Variants in CREBBP observed in about 807,000 individuals in gnomAD.
CREBBP encodes the protein CREB-binding protein.
A neutral mutation model predicts 265.0 loss-of-function variants in CREBBP; 19 were observed. That is an observed-to-expected ratio of 0.07 (90% CI 0.05 to 0.11). The LOEUF is 0.11. Among genes scored for constraint, CREBBP ranks in the 10% least tolerant of loss-of-function variants. CREBBP has a pLI of 1.00. For missense variants in CREBBP, 2,525 were observed against 3,219.0 expected (o/e 0.78, Z 5.22); for synonymous variants, 1,457 against 1,223.7 (o/e 1.19, Z -3.98).
chr16:3,734,817 C>T lies in CREBBP; in HGVS notation c.4728+1219G>A, dbSNP rs571033752. Among the ~76,000 whole-genome samples, 19 of 152,308 alleles carry T rather than the reference C, an allele frequency of 1.2e-4. No individual in the cohort carries two copies. The East Asian group carries it at 1.4e-3, about 11-fold the overall frequency. On this transcript the variant is annotated intron_variant, in intron 28 of 30. Coordinates refer to ENST00000262367, the MANE Select transcript of CREBBP (RefSeq NM_004380.3). ...CGGAAGCGGCCCAGGCCCCACGCTC[C>T]GCCTACAGCCCATCCGGCACCCACC...
At chr16:3,782,535 A>T (rs1362939550) in intron 6 of CREBBP, 149 bp downstream of exon 6, 5 of 1,026,690 alleles carry the variant, frequency 4.9e-6, no homozygotes, top group Non-Finnish European at 7.0e-6. Context: ...CTTGCATCAG[A>T]TACTTCAGCT....
At chr16:3,830,556 T>C (rs2054322721) in intron 2 of CREBBP, among the ~76,000 whole-genome samples, 1 of 152,164 alleles carries the variant, frequency 6.6e-6, no homozygotes, top group South Asian at 2.1e-4. Context: ...GGCATTACAA[T>C]CCAAAATACA....
At chr16:3,870,258 C>G (rs1219470839) in intron 1 of CREBBP, among the ~76,000 whole-genome samples, 1 of 152,130 alleles carries the variant, frequency 6.6e-6, no homozygotes, top group African/African-American at 2.4e-5. Flanking sequence ...CAGCACAGAG[C>G]TGAATCTGTT....
rs535953791 is a variant in CREBBP, at chr16:3,726,244, G to C, written c.*1474C>G. 121 of 226,982 alleles carry C rather than the reference G, an allele frequency of 5.3e-4. No individual in the cohort carries two copies. The highest frequency in any genetic ancestry group is 6.0e-4 in the Non-Finnish European group (70 of 117,428). 14.1% of individuals were successfully genotyped at this position (226,982 alleles called of 1,614,324 possible). ...CAGATTCTGGGAGTCGTGTACGGGG[G>C]GGGGGAGCCGCCTGAACACGGGAAG... On this transcript the variant is annotated 3_prime_UTR_variant, in exon 31 of 31. Transcript: ENST00000262367.
intron 20 of CREBBP, 41 bp from the exon 21 acceptor site, chr16:3,749,724 T>A (rs773609163): frequency 7.3e-7 from 1 of 1,363,756 alleles, no homozygotes; most frequent in South Asian, 1.2e-5. Flanking sequence ...TAACTAAAAT[T>A]TATCTGTTGA....
At chr16:3,815,726 T>G (rs1230183805) in intron 2 of CREBBP, among the ~76,000 whole-genome samples, 1 of 151,906 alleles carries the variant, frequency 6.6e-6, no homozygotes, top group Non-Finnish European at 1.5e-5. Context: ...TTTACAGGCA[T>G]GCACTGTGTA....
chr16:3,841,087 T>A (rs1379863497), intron 2 of CREBBP: 1 of 154,698 alleles, frequency 6.5e-6, no homozygotes, highest in East Asian at 1.9e-4. Flanking sequence ...TATGCTACAA[T>A]AGACTATATA....
At chr16:3,825,834 C>T (rs1385459144) in intron 2 of CREBBP, among the ~76,000 whole-genome samples, 3 of 151,920 alleles carry the variant, frequency 2.0e-5, no homozygotes, top group Non-Finnish European at 2.9e-5. Flanking sequence ...AAAACTGTAA[C>T]GGAAAAAAAT....
chr16:3,858,470 T>C (rs2055007950), intron 1 of CREBBP, among the ~76,000 whole-genome samples: 1 of 152,190 alleles, frequency 6.6e-6, no homozygotes, highest in Admixed American at 6.5e-5. Context: ...TGCGTTAAAA[T>C]TATGCTAACA....
intron 11 of CREBBP, among the ~76,000 whole-genome samples, chr16:3,776,849 A>T (rs936773936): frequency 1.3e-5 from 2 of 150,376 alleles, no homozygotes; most frequent in African/African-American, 2.4e-5. Flanking sequence ...CATCTCTACT[A>T]AAAAAAAAGA....
In CREBBP at chr16:3,728,672, G is replaced by A. The variant is rs772410741; in HGVS notation, c.6375C>T (p.Pro2125=). 1.4e-5 allele frequency: 23 copies of A among 1,613,648 alleles called. No individual in the cohort carries two copies. Among genetic ancestry groups the A allele is most frequent in the South Asian group, 7.7e-5 (7 of 91,080 alleles). ...MQPQPGLQSQ[P]GMQPQPGMHQ... is the part of the protein sequence containing the mutation. ...GCATGCCAGGCTGGGGTTGCATGCC[G>A]GGCTGGGACTGGAGGCCAGGCTGGG... Residue 2125 remains proline, a synonymous_variant, in exon 31 of 31, where the codon CCC becomes CCT. Transcript: ENST00000262367. The surrounding 1 kb of genome is among the most constrained non-coding windows in gnomAD (Gnocchi z 8.7).
intron 19 of CREBBP, among the ~76,000 whole-genome samples, chr16:3,754,286 C>A (rs978765539): frequency 3.3e-5 from 5 of 152,150 alleles, no homozygotes; most frequent in African/African-American, 1.2e-4. Context: ...ACAGTCACCC[C>A]CAACTAGTAA....
chr16:3,744,818 C>A, intron 23 of CREBBP, 76 bp downstream of exon 23: 1 of 1,174,728 alleles, frequency 8.5e-7, no homozygotes, highest in East Asian at 2.4e-5. Flanking sequence ...TGAGAGGAAC[C>A]AAAGAACAAT....
In CREBBP at chr16:3,757,863, A is replaced by G. The variant is rs1350802127; in HGVS notation, c.3555T>C (p.Phe1185=). 3 of 1,614,196 alleles carry G rather than the reference A, an allele frequency of 1.9e-6. No homozygotes were observed. The highest frequency in any genetic ancestry group is 1.6e-4 in the Middle Eastern group (1 of 6,062). ...GCATGACAGGGTCAATTTCCTGCTC[A>G]AAGACCTCTGCAAGCTTACTGCAAA... is the stretch of plus-strand genomic sequence containing the variant. ...YKFCSKLAEV[F]EQEIDPVMQS... Residue 1185 remains phenylalanine (F), a synonymous_variant, in exon 18 of 31, where the codon TTT becomes TTC. Coordinates refer to ENST00000262367, the MANE Select transcript of CREBBP (RefSeq NM_004380.3).
chr16:3,725,497 T>G lies in CREBBP; in HGVS notation c.*2221A>C. The G allele has an allele frequency of 4.3e-6, 1 of 233,042 alleles. No homozygotes were observed. The highest frequency in any genetic ancestry group is 6.0e-5 in the East Asian group (1 of 16,572). The allele number at this position is 233,042 out of a possible 1,614,324, so 14.4% of individuals were successfully genotyped here. On this transcript the variant is annotated 3_prime_UTR_variant, in exon 31 of 31. Transcript: ENST00000262367. The stretch of plus-strand genomic sequence containing the variant: ...ACATGGCTCAAGGTTTCCCTACGGG[T>G]GGAAAAGATGAAGAGGACACTGGAG...
At chr16:3,785,648 C>T (rs984310233) in intron 5 of CREBBP, among the ~76,000 whole-genome samples, 3 of 152,246 alleles carry the variant, frequency 2.0e-5, no homozygotes, top group Non-Finnish European at 4.4e-5. Context: ...TGGAACTGAA[C>T]AGAAATGCAC....
At chr16:3,868,469 A>G (rs1379474962) in intron 1 of CREBBP, among the ~76,000 whole-genome samples, 1 of 128,918 alleles carries the variant, frequency 7.8e-6, no homozygotes, top group Non-Finnish European at 1.8e-5. Context: ...AGACTTCTGG[A>G]AAATAAATCA....
intron 13 of CREBBP, among the ~76,000 whole-genome samples, chr16:3,771,225 C>T (rs943666049): frequency 2.0e-5 from 3 of 152,022 alleles, no homozygotes; most frequent in Admixed American, 1.3e-4. Context: ...CCCGTCACCA[C>T]GCCCAGCTAA....
At chr16:3,844,596 G>C (rs1351999037) in intron 2 of CREBBP, among the ~76,000 whole-genome samples, 1 of 152,106 alleles carries the variant, frequency 6.6e-6, no homozygotes, top group East Asian at 1.9e-4. Flanking sequence ...ATTTAAGTAG[G>C]ATACGAGACA....
Sources: gnomAD v4.1 joint callset for allele counts (sites outside exome capture counted in the v4.1 genomes callset) on GRCh38, gnomAD v4.1.1 for gene constraint, Gnocchi (gnomAD v3.1) non-coding constraint, MANE v1.5 for transcripts, NCBI Gene and HGNC (gene_info 2026-07-23, HGNC 2026-07-21) for gene names.